SNX14: variants seen among roughly 807,000 people sequenced by gnomAD.
The protein encoded by SNX14 is sorting nexin 14, also known as sorting nexin-14.
In SNX14, 93 loss-of-function variants were observed where a neutral mutation model predicts 133.8. That is an observed-to-expected ratio of 0.70 (90% CI 0.59 to 0.83). SNX14 has a LOEUF of 0.83. SNX14 is among the 40% of genes least tolerant of loss of function. The probability of loss-of-function intolerance (pLI) is 0.00; values close to 1 mark genes in which losing one functional copy is unlikely to be tolerated. For missense variants in SNX14, 945 were observed against 1,094.9 expected (o/e 0.86, Z 1.93); for synonymous variants, 368 against 365.6 (o/e 1.01, Z -0.07).
chr6:85,549,375 A>G (rs1786955942), intron 8 of SNX14, among the ~76,000 whole-genome samples: 1 of 152,090 alleles, frequency 6.6e-6, no homozygotes, highest in South Asian at 2.1e-4. Flanking sequence ...AGTTTGTTCA[A>G]ATGTTTCTGC....
chr6:85,508,319 GTA>G, intron 26 of SNX14: 1 of 702,452 alleles, frequency 1.4e-6, no homozygotes, highest in South Asian at 6.7e-5. Context: ...AAATGCTGCA[GTA>G]AAAAAAAAAA....
chr6:85,559,475 A>T (rs185774195), intron 6 of SNX14, among the ~76,000 whole-genome samples: 1 of 152,180 alleles, frequency 6.6e-6, no homozygotes, highest in African/African-American at 2.4e-5. Flanking sequence ...TTTGATTTTT[A>T]AAAAATTGTA....
At chr6:85,539,094 A>C (rs1026372414) in intron 15 of SNX14, among the ~76,000 whole-genome samples, 4 of 152,192 alleles carry the variant, frequency 2.6e-5, no homozygotes, top group Admixed American at 6.5e-5. Context: ...ATTACTAAAA[A>C]CGGTTCTTAA....
At chr6:85,584,695 T>A (rs919312169) in intron 1 of SNX14, among the ~76,000 whole-genome samples, 2 of 152,058 alleles carry the variant, frequency 1.3e-5, no homozygotes, top group African/African-American at 4.8e-5. Flanking sequence ...AAAACCACAA[T>A]GAGATACCAT....
intron 7 of SNX14, among the ~76,000 whole-genome samples, chr6:85,551,441 T>C (rs577743047): frequency 1.3e-5 from 2 of 152,312 alleles, no homozygotes; most frequent in African/African-American, 4.8e-5. Flanking sequence ...AGGGCTCACC[T>C]AAACCAACCA....
intron 12 of SNX14, 41 bp downstream of exon 12, chr6:85,547,071 G>T (rs1356569418): frequency 3.1e-5 from 44 of 1,427,498 alleles, no homozygotes; most frequent in Non-Finnish European, 4.0e-5. Flanking sequence ...ACATTAAAAG[G>T]TTTAAAAATT....
At chr6:85,524,822 G>A (rs1231058234) in intron 21 of SNX14, among the ~76,000 whole-genome samples, 1 of 151,194 alleles carries the variant, frequency 6.6e-6, no homozygotes, top group Admixed American at 6.6e-5. Context: ...CTGATAACCA[G>A]CAGGTGGAAC....
rs115774634 is a variant in SNX14 at position 85,582,628 on chromosome 6, T to G, written c.141-8250A>C. On this transcript the variant is annotated intron_variant, in intron 1 of 28. Coordinates refer to ENST00000314673, the MANE Select transcript of SNX14 (RefSeq NM_153816.6). The stretch of plus-strand genomic sequence containing the variant: ...CTGATCTCACAAAAACACAAACTAC[T>G]ATCAGAGAATACTATAAACACATCT... Among the ~76,000 whole-genome samples, 1,492 of 152,046 alleles carry G rather than the reference T, an allele frequency of 9.8e-3. 23 individuals are homozygous for G. Among genetic ancestry groups the G allele is most frequent in the African/African-American group, 0.034 (1,403 of 41,500 alleles).
intron 6 of SNX14, among the ~76,000 whole-genome samples, chr6:85,563,311 G>A (rs934323900): frequency 6.6e-6 from 1 of 152,184 alleles, no homozygotes; most frequent in African/African-American, 2.4e-5. Context: ...GTAGAAAAGT[G>A]TGTGTGTCTA....
In SNX14 at chr6:85,517,751, A is replaced by C; in HGVS notation, c.2268+5T>G. 1.9e-6 allele frequency: 3 copies of C among 1,591,214 alleles called. No homozygotes were observed. The highest frequency in any genetic ancestry group is 2.3e-5 in the South Asian group (2 of 86,056). The stretch of plus-strand genomic sequence containing the variant: ...TTAATAGTTCTTTAATGCAATGTGC[A>C]GTACCTTCTTGTTGTTTTCTGAAGT... On this transcript the variant is annotated splice_donor_5th_base_variant and intron_variant, in intron 23 of 28. Coordinates refer to ENST00000314673, the MANE Select transcript of SNX14 (RefSeq NM_153816.6).
At chr6:85,586,306 A>T (rs1800837550) in intron 1 of SNX14, among the ~76,000 whole-genome samples, 1 of 152,182 alleles carries the variant, frequency 6.6e-6, no homozygotes, top group African/African-American at 2.4e-5. Context: ...AGCAACAGAG[A>T]CTTAGCATGG....
intron 18 of SNX14, among the ~76,000 whole-genome samples, chr6:85,530,753 T>C (rs1180420710): frequency 6.6e-6 from 1 of 152,222 alleles, no homozygotes; most frequent in Non-Finnish European, 1.5e-5. Flanking sequence ...TTTTATCCCA[T>C]ATTTTAGTTA....
chr6:85,511,364 A>G (rs959907437), intron 26 of SNX14, among the ~76,000 whole-genome samples: 3 of 152,166 alleles, frequency 2.0e-5, no homozygotes, highest in African/African-American at 7.2e-5. Flanking sequence ...GTGAACAAAG[A>G]CAGTTTTATT....
At chr6:85,508,475 C>A in intron 26 of SNX14, 2 of 761,424 alleles carry the variant, frequency 2.6e-6, no homozygotes, top group Non-Finnish European at 3.2e-6. Flanking sequence ...GATTAACACC[C>A]AATGTAGGAT....
At chr6:85,539,472 T>C (rs1486516868) in intron 15 of SNX14, among the ~76,000 whole-genome samples, 1 of 152,158 alleles carries the variant, frequency 6.6e-6, no homozygotes, top group African/African-American at 2.4e-5. Context: ...GTACTTTAAG[T>C]ATACAATGAA....
chr6:85,522,596 C>T (rs2127925343), intron 21 of SNX14, among the ~76,000 whole-genome samples: 1 of 152,264 alleles, frequency 6.6e-6, no homozygotes, highest in Non-Finnish European at 1.5e-5. Flanking sequence ...CATACACATA[C>T]TCTACTAGGT....
At chr6:85,591,409 A>T (rs1279122896) in intron 1 of SNX14, among the ~76,000 whole-genome samples, 1 of 152,228 alleles carries the variant, frequency 6.6e-6, no homozygotes, top group African/African-American at 2.4e-5. Flanking sequence ...TGACTACAGC[A>T]GTAACAAATG....
At chr6:85,580,893 C>A (rs1436720483) in intron 1 of SNX14, among the ~76,000 whole-genome samples, 1 of 152,126 alleles carries the variant, frequency 6.6e-6, no homozygotes, top group Non-Finnish European at 1.5e-5. Context: ...TCCTGGATGG[C>A]ATCTCTGGAA....
At chr6:85,564,171 C>T (rs1000815778) in intron 6 of SNX14, among the ~76,000 whole-genome samples, 2 of 152,168 alleles carry the variant, frequency 1.3e-5, no homozygotes, top group East Asian at 1.9e-4. Context: ...CAGTCTATCA[C>T]TGATGGACAT....
Sources: gnomAD v4.1 joint callset for allele counts (sites outside exome capture counted in the v4.1 genomes callset) on GRCh38, gnomAD v4.1.1 for gene constraint, MANE v1.5 for transcripts, NCBI Gene and HGNC (gene_info 2026-07-23, HGNC 2026-07-21) for gene names.